Variants in LGR6 observed in about 807,000 individuals in gnomAD.
LGR6 encodes leucine rich repeat containing G protein-coupled receptor 6, also known as leucine-rich repeat-containing G protein-coupled receptor 6.
In LGR6, 45 loss-of-function variants were observed where a neutral mutation model predicts 69.4. The ratio of observed to expected loss-of-function variants is 0.65; its 90% confidence interval spans 0.51 to 0.83. The LOEUF (loss-of-function observed/expected upper bound fraction) is 0.83. LGR6 is among the 40% of genes least tolerant of loss of function. LGR6 has a pLI of 0.00. For synonymous variants in LGR6, 538 were observed against 555.0 expected (o/e 0.97, Z 0.43); for missense variants, 1,108 against 1,246.7 (o/e 0.89, Z 1.68).
At chr1:202,317,023 T>G (rs1357855639) in intron 17 of LGR6, among the ~76,000 whole-genome samples, 6 of 152,196 alleles carry the variant, frequency 3.9e-5, no homozygotes, top group African/African-American at 1.4e-4. Flanking sequence ...AAGTATTCAA[T>G]GTGGTCTGTA....
At chr1:202,295,795 A>C (rs1667109899) in intron 6 of LGR6, among the ~76,000 whole-genome samples, 1 of 152,208 alleles carries the variant, frequency 6.6e-6, no homozygotes, top group Admixed American at 6.5e-5. Flanking sequence ...CGGAGCAGAG[A>C]GAAGCAAAGC....
At chr1:202,195,730 T>C (rs1486923140) in intron 1 of LGR6, among the ~76,000 whole-genome samples, 2 of 152,226 alleles carry the variant, frequency 1.3e-5, no homozygotes, top group South Asian at 4.1e-4. Flanking sequence ...AGAGTTTAGA[T>C]GTGACTTCTG....
Position 202,310,221 on chromosome 1 carries a change from C to T in LGR6, c.1431C>T (p.Tyr477=), listed in dbSNP as rs760957741. ...GGATCCTGGAGGTGCCTTATGCCTA[C>T]CAGTGCTGTCCCTATGGGATGTGTG... The part of the protein sequence containing the change: ...KLRILEVPYA[Y]QCCPYGMCAS... Residue 477 remains tyrosine (Y), a synonymous_variant, in exon 16 of 18, where the codon TAC becomes TAT. Transcript: ENST00000367278. The T allele has an allele frequency of 6.2e-7, 1 of 1,614,094 alleles. No individual in the cohort carries two copies. The highest frequency in any genetic ancestry group is 2.2e-5 in the East Asian group (1 of 44,872).
intron 1 of LGR6, chr1:202,197,341 T>C (rs1658680566): frequency 3.8e-6 from 2 of 520,780 alleles, no homozygotes; most frequent in African/African-American, 3.9e-5. Flanking sequence ...TTACCACTTT[T>C]GGGCTCAATG....
chr1:202,309,723 C>T (rs1056420771), intron 15 of LGR6, among the ~76,000 whole-genome samples: 1 of 152,232 alleles, frequency 6.6e-6, no homozygotes, highest in Non-Finnish European at 1.5e-5. Flanking sequence ...GCACCAAATC[C>T]AGCTCCAATA....
chr1:202,306,010 T>C (rs1487613138), intron 12 of LGR6, among the ~76,000 whole-genome samples: 3 of 152,034 alleles, frequency 2.0e-5, no homozygotes, highest in Non-Finnish European at 4.4e-5. Flanking sequence ...TATAAATCAG[T>C]AGCAACACAG....
intron 1 of LGR6, among the ~76,000 whole-genome samples, chr1:202,209,969 A>G (rs548472171): frequency 2.0e-5 from 3 of 152,362 alleles, no homozygotes; most frequent in South Asian, 4.1e-4. Flanking sequence ...ATCCAGGTCT[A>G]TAAGAAACAG....
intron 7 of LGR6, among the ~76,000 whole-genome samples, chr1:202,298,447 G>A (rs1042564570): frequency 2.6e-5 from 4 of 152,034 alleles, no homozygotes; most frequent in Admixed American, 6.6e-5. Context: ...GAGCTCTATC[G>A]TACAGCTAGA....
chr1:202,276,294 C>G lies in LGR6; in HGVS notation c.429-12C>G, dbSNP rs369588808. 2.5e-6 allele frequency: 4 copies of G among 1,610,474 alleles called. No individual in the cohort carries two copies. The highest frequency in any genetic ancestry group is 2.5e-6 in the Non-Finnish European group (3 of 1,177,534). On this transcript the variant is annotated splice_polypyrimidine_tract_variant and intron_variant, in intron 4 of 17. Coordinates refer to ENST00000367278, the MANE Select transcript of LGR6 (RefSeq NM_001017403.2). Reference sequence around the variant, plus strand: ...CCCTGGATTGACCCCTCTCCATCCTCTCTTCCACCAGGCGCCTAGATGCCA... The same window carrying G: ...CCCTGGATTGACCCCTCTCCATCCTGTCTTCCACCAGGCGCCTAGATGCCA...
At chr1:202,305,970 G>A (rs1024573406) in intron 12 of LGR6, among the ~76,000 whole-genome samples, 1 of 152,210 alleles carries the variant, frequency 6.6e-6, no homozygotes, top group African/African-American at 2.4e-5. Context: ...CCAGGAGCTG[G>A]TGCCCAAAAG....
intron 6 of LGR6, chr1:202,281,163 G>A: frequency 2.8e-6 from 1 of 354,740 alleles, no homozygotes; most frequent in Non-Finnish European, 5.1e-6. Flanking sequence ...AATGGGAACT[G>A]CAAGAAGCTC....
At chr1:202,198,584 G>A (rs1658721421) in intron 1 of LGR6, among the ~76,000 whole-genome samples, 1 of 152,124 alleles carries the variant, frequency 6.6e-6, no homozygotes, top group Admixed American at 6.5e-5. Flanking sequence ...TAGGATAGGT[G>A]TGTGTGTAGT....
At chr1:202,266,570 C>T (rs1664680191) in intron 4 of LGR6, among the ~76,000 whole-genome samples, 2 of 149,406 alleles carry the variant, frequency 1.3e-5, no homozygotes, top group African/African-American at 4.9e-5. Flanking sequence ...ACGTTCTTTT[C>T]CCTACTACCT....
rs1654439876 is a variant in LGR6 at position 202,319,204 on chromosome 1, G to A, written c.2901G>A (p.Val967=). ...QPSGLAFASH[V] ...CTGGCTTGGCCTTTGCTTCACACGT[G>A]TAAATATCCCTCCCCATTCTTCTCT... The change falls in exon 18 of 18, where the codon GTG becomes GTA. Residue 967 remains valine (V), a synonymous_variant. Transcript: ENST00000367278. 1.9e-6 allele frequency: 3 copies of A among 1,586,604 alleles called. No homozygotes were observed. Among genetic ancestry groups the A allele is most frequent in the Admixed American group, 1.8e-5 (1 of 56,234 alleles).
intron 10 of LGR6, among the ~76,000 whole-genome samples, chr1:202,303,624 A>G (rs979231321): frequency 4.6e-5 from 7 of 152,226 alleles, no homozygotes; most frequent in African/African-American, 1.2e-4. Context: ...CCCAAGCCAC[A>G]GGTACACTGA....
At chr1:202,310,452 C>A in intron 16 of LGR6, 95 bp downstream of exon 16, 1 of 1,250,346 alleles carries the variant, frequency 8.0e-7, no homozygotes, top group Non-Finnish European at 1.1e-6. Context: ...AATCTGACAG[C>A]AGCTGCAGAG....
At chr1:202,216,813 C>T (rs2147928671) in intron 1 of LGR6, among the ~76,000 whole-genome samples, 1 of 152,278 alleles carries the variant, frequency 6.6e-6, no homozygotes, top group South Asian at 2.1e-4. Context: ...AGGAAGGAGC[C>T]ATTGAAGGAG....
intron 4 of LGR6, among the ~76,000 whole-genome samples, chr1:202,247,456 C>G (rs1662812631): frequency 6.6e-6 from 1 of 152,180 alleles, no homozygotes; most frequent in African/African-American, 2.4e-5. Flanking sequence ...AGGTCTGTCC[C>G]CTAGGCCCTA....
At chr1:202,284,594 A>G (rs1437943549) in intron 6 of LGR6, among the ~76,000 whole-genome samples, 1 of 152,156 alleles carries the variant, frequency 6.6e-6, no homozygotes, top group Non-Finnish European at 1.5e-5. Context: ...GGTGAAGAAC[A>G]TTTCTAGGAA....
Sources: allele counts gnomAD v4.1 joint callset (sites outside exome capture counted in the v4.1 genomes callset), GRCh38; gene constraint gnomAD v4.1.1; transcripts MANE v1.5; gene names NCBI Gene and HGNC (gene_info 2026-07-23, HGNC 2026-07-21).